OTULINL: variants seen among roughly 807,000 people sequenced by gnomAD.
OTULINL encodes OTU deubiquitinase with linear linkage specificity like.
In OTULINL, 42 loss-of-function variants were observed where a neutral mutation model predicts 43.9. The ratio of observed to expected loss-of-function variants is 0.96; its 90% CI spans 0.75 to 1.24. OTULINL has a LOEUF of 1.24. Among genes scored for constraint, OTULINL ranks in the 50% most tolerant of loss-of-function variants. The probability of loss-of-function intolerance (pLI) is 0.00; values close to 1 mark genes in which losing one functional copy is unlikely to be tolerated. For missense variants in OTULINL, 411 were observed against 426.4 expected (o/e 0.96, Z 0.32); for synonymous variants, 172 against 153.6 (o/e 1.12, Z -0.88).
intron 5 of OTULINL, 78 bp downstream of exon 5, chr5:14,602,410 T>C: frequency 7.3e-7 from 1 of 1,365,720 alleles, no homozygotes; most frequent in East Asian, 2.3e-5. Flanking sequence ...TTTGGGGGCT[T>C]TGTACTCAGA....
Position 14,614,790 on chromosome 5 carries a change from A to G in OTULINL, c.*4476A>G, listed in dbSNP as rs940523752. On this transcript the variant is annotated 3_prime_UTR_variant, in exon 8 of 8. Transcript: ENST00000274217. ...TGTGAGCAGACTGCTATAGAATGCT[A>G]AAGTTATAATCCTAGCTGGTGTCTC... The G allele has an allele frequency of 2.5e-6, 1 of 398,610 alleles. No homozygotes were observed. The highest frequency in any genetic ancestry group is 4.4e-6 in the Non-Finnish European group (1 of 226,058). The allele number at this position is 398,610 out of a possible 1,614,324, so 24.7% of individuals were successfully genotyped here.
chr5:14,583,585 A>T (rs1439600700), intron 1 of OTULINL, among the ~76,000 whole-genome samples: 1 of 152,190 alleles, frequency 6.6e-6, no homozygotes, highest in African/African-American at 2.4e-5. Context: ...AATGCATGCC[A>T]GCGCTGCGAG....
Position 14,581,931 on chromosome 5 carries a change from C to G in OTULINL, c.37C>G (p.Arg13Gly). 2 of 1,394,004 alleles carry G rather than the reference C, an allele frequency of 1.4e-6. No individual in the cohort carries two copies. Among genetic ancestry groups the G allele is most frequent in the Middle Eastern group, 2.6e-4 (1 of 3,814 alleles). The allele number at this position is 1,394,004 out of a possible 1,614,324, so 86.4% of individuals were successfully genotyped here. The change falls in exon 1 of 8, where the codon CGG (arginine) becomes GGG (glycine). Residue 13 changes from arginine to glycine, a missense_variant. Physicochemically the swap from Arg to Gly is moderately radical, Grantham distance 125. Transcript: ENST00000274217. ...ATRSPTRARE[R>G]ERSGAPAAGS... ...AAGGAGCCCCACGCGGGCAAGGGAG[C>G]GGGAGCGGTCTGGCGCTCCCGCCGC...
rs1307128611 is a variant in OTULINL, at chr5:14,612,449, T to G, written c.*2135T>G. 6.6e-6 allele frequency: 1 copy of G among 152,204 alleles called. No individual in the cohort carries two copies. Among genetic ancestry groups the G allele is most frequent in the Non-Finnish European group, 1.5e-5 (1 of 68,050 alleles). 9.4% of individuals were successfully genotyped at this position (152,204 alleles called of 1,614,324 possible). Reference sequence around the variant, plus strand: ...TTGTGTTGTGGGCGGGGGGCAAGAATTCTTTAGAGAACCAAGTTGCGAGAA... The same window carrying G: ...TTGTGTTGTGGGCGGGGGGCAAGAAGTCTTTAGAGAACCAAGTTGCGAGAA... On this transcript the variant is annotated 3_prime_UTR_variant, in exon 8 of 8. Transcript: ENST00000274217.
Position 14,608,966 on chromosome 5 carries a change from C to T in OTULINL, c.846C>T (p.Ser282=). ...FSRETSSDPL[S]FMMNHLNSVG... ...GGGAGACATCCTCTGATCCTTTGAGCTTCATGATGAATCACCTGAATTCTG... is the reference window on the plus strand; with the variant it reads ...GGGAGACATCCTCTGATCCTTTGAGTTTCATGATGAATCACCTGAATTCTG... Residue 282 remains serine (S), a synonymous_variant, in exon 7 of 8, where the codon AGC becomes AGT. Coordinates refer to ENST00000274217, the MANE Select transcript of OTULINL (RefSeq NM_019018.3). The T allele has an allele frequency of 1.2e-6, 2 of 1,614,052 alleles. No homozygotes were observed. The highest frequency in any genetic ancestry group is 2.2e-5 in the East Asian group (1 of 44,874).
chr5:14,602,302 AT>A lies in OTULINL; in HGVS notation c.469del (p.Ser157HisfsTer3). ...TATTCAGCCAGGGCATCTCTTTTCC[AT>A]CATGGATGAAAGAAAAGGACATTGT... is the stretch of plus-strand genomic sequence containing the variant. ...QIFSQGISFP[S>X]WMKEKDIVKL... On this transcript the variant is annotated frameshift_variant, in exon 5 of 8. Transcript: ENST00000274217. LOFTEE classifies it high-confidence loss of function. 1 of 1,613,756 alleles carries A rather than the reference AT, an allele frequency of 6.2e-7. No homozygotes were observed. Among genetic ancestry groups the A allele is most frequent in the Non-Finnish European group, 8.5e-7 (1 of 1,179,836 alleles).
rs1759592328 is a variant in OTULINL at position 14,612,083 on chromosome 5, C to CTGTT, written c.*1772_*1775dup. On this transcript the variant is annotated 3_prime_UTR_variant, in exon 8 of 8. Coordinates refer to ENST00000274217, the MANE Select transcript of OTULINL (RefSeq NM_019018.3). ...CTTCATTGACCTCTACAGTCCCTGCCTGTTTGGAAACATCTATGGTTTTGT... is the reference window on the plus strand; with the variant it reads ...CTTCATTGACCTCTACAGTCCCTGCCTGTTTGTTTGGAAACATCTATGGTTTTGT... 1 of 152,230 alleles carries CTGTT rather than the reference C, an allele frequency of 6.6e-6. No individual in the cohort carries two copies. The highest frequency in any genetic ancestry group is 2.4e-5 in the African/African-American group (1 of 41,456). The allele number at this position is 152,230 out of a possible 1,614,324, so 9.4% of individuals were successfully genotyped here.
At chr5:14,604,489 C>T (rs570153587) in intron 5 of OTULINL, among the ~76,000 whole-genome samples, 1 of 152,304 alleles carries the variant, frequency 6.6e-6, no homozygotes, top group African/African-American at 2.4e-5. Flanking sequence ...TAAATCATTT[C>T]AGCATTAACT....
intron 1 of OTULINL, among the ~76,000 whole-genome samples, chr5:14,596,214 C>A (rs752167916): frequency 6.6e-6 from 1 of 152,088 alleles, no homozygotes; most frequent in Non-Finnish European, 1.5e-5. Flanking sequence ...TGTAGAATGA[C>A]TGAATTCGTG....
Position 14,610,463 on chromosome 5 carries a change from A to G in OTULINL, c.*149A>G. On this transcript the variant is annotated 3_prime_UTR_variant, in exon 8 of 8. Transcript: ENST00000274217. Reference sequence around the variant, plus strand: ...ACAGGTACACTGGATGCAGCCATGCATGGATGGTTTTTCTTTATTTTTCAG... The same window carrying G: ...ACAGGTACACTGGATGCAGCCATGCGTGGATGGTTTTTCTTTATTTTTCAG... The G allele has an allele frequency of 1.3e-6, 1 of 747,364 alleles. No homozygotes were observed. The highest frequency in any genetic ancestry group is 2.7e-5 in the East Asian group (1 of 36,736). 46.3% of individuals were successfully genotyped at this position (747,364 alleles called of 1,614,324 possible).
chr5:14,606,544 CAA>C (rs958977868), intron 5 of OTULINL, among the ~76,000 whole-genome samples: 6 of 152,032 alleles, frequency 3.9e-5, no homozygotes, highest in Non-Finnish European at 8.8e-5. Context: ...TTAATCCTAA[CAA>C]GAGTCCTATA....
Position 14,610,443 on chromosome 5 carries a change from T to A in OTULINL, c.*129T>A. On this transcript the variant is annotated 3_prime_UTR_variant, in exon 8 of 8. Transcript: ENST00000274217. ...AGGACCTTTTCTTCAGGATTACAGG[T>A]ACACTGGATGCAGCCATGCATGGAT... 1 of 900,516 alleles carries A rather than the reference T, an allele frequency of 1.1e-6. No homozygotes were observed. Among genetic ancestry groups the A allele is most frequent in the Non-Finnish European group, 1.7e-6 (1 of 599,812 alleles). The allele number at this position is 900,516 out of a possible 1,614,324, so 55.8% of individuals were successfully genotyped here.
intron 6 of OTULINL, 47 bp downstream of exon 6, chr5:14,607,505 A>G (rs1759503992): frequency 6.2e-7 from 1 of 1,606,410 alleles, no homozygotes; most frequent in Admixed American, 1.7e-5. Flanking sequence ...AAAAGCACAT[A>G]TCCCAGATAG....
intron 1 of OTULINL, among the ~76,000 whole-genome samples, chr5:14,590,937 A>G (rs1479607492): frequency 1.3e-5 from 2 of 152,202 alleles, no homozygotes; most frequent in South Asian, 2.1e-4. Context: ...CATTGTAAAG[A>G]GTTTTGCACA....
chr5:14,598,601 A>G (rs1305428670), intron 1 of OTULINL, among the ~76,000 whole-genome samples: 1 of 152,174 alleles, frequency 6.6e-6, no homozygotes, highest in Non-Finnish European at 1.5e-5. Flanking sequence ...TCAATAAGGC[A>G]GTGTTAGGCT....
chr5:14,584,808 T>C (rs1033031939), intron 1 of OTULINL, among the ~76,000 whole-genome samples: 2 of 152,236 alleles, frequency 1.3e-5, no homozygotes, highest in African/African-American at 4.8e-5. Context: ...ATTTTGTTAA[T>C]CCAAAGCCAT....
At chr5:14,595,421 A>C (rs1759268843) in intron 1 of OTULINL, among the ~76,000 whole-genome samples, 1 of 152,204 alleles carries the variant, frequency 6.6e-6, no homozygotes. Context: ...TGTGATGTCC[A>C]GGACAGTAGG....
At chr5:14,582,041 G>T in intron 1 of OTULINL, 83 bp downstream of exon 1, 2 of 1,028,782 alleles carry the variant, frequency 1.9e-6, no homozygotes, top group Non-Finnish European at 2.5e-6. Flanking sequence ...AGCCAGGGAC[G>T]CGCCCTCCTC....
rs868204042 is a variant in OTULINL at position 14,613,335 on chromosome 5, C to G, written c.*3021C>G. ...CTCCAAGACTGACTTTTTTTCAAAG[C>G]AGGCAACTTTAATTCCCTACCTGGT... On this transcript the variant is annotated 3_prime_UTR_variant, in exon 8 of 8. Transcript: ENST00000274217. Among the ~76,000 whole-genome samples, 4 of 152,144 alleles carry G rather than the reference C, an allele frequency of 2.6e-5. No individual in the cohort carries two copies. The highest frequency in any genetic ancestry group is 5.9e-5 in the Non-Finnish European group (4 of 68,012).
Sources: allele counts gnomAD v4.1 joint callset (sites outside exome capture counted in the v4.1 genomes callset), GRCh38; gene constraint gnomAD v4.1.1; transcripts MANE v1.5; gene names NCBI Gene and HGNC (gene_info 2026-07-23, HGNC 2026-07-21).